The following LEMD1 variants were observed in gnomAD, a reference collection of about 807,000 sequenced individuals.
The protein encoded by LEMD1 is LEM domain containing 1.
LEMD1 carries 18 observed loss-of-function variants against 17.4 expected under a neutral mutation model. The observed-to-expected ratio is 1.04, with a 90% CI of 0.72 to 1.54. LEMD1 has a LOEUF of 1.54. Ranked by LOEUF, LEMD1 falls within the 40% of genes most tolerant of loss-of-function variation. The probability of loss-of-function intolerance (pLI) is 0.00; values close to 1 mark genes in which losing one functional copy is unlikely to be tolerated. For missense variants in LEMD1, 195 were observed against 210.4 expected (o/e 0.93, Z 0.45); for synonymous variants, 88 against 77.8 (o/e 1.13, Z -0.69).
intron 4 of LEMD1, among the ~76,000 whole-genome samples, chr1:205,413,619 T>G (rs1247397698): frequency 6.8e-4 from 87 of 128,272 alleles, no homozygotes; most frequent in African/African-American, 1.5e-3. Flanking sequence ...TTTTTGGAGA[T>G]ATGAGGTGTT....
At chr1:205,447,520 A>C (rs1666413581) in intron 1 of LEMD1, among the ~76,000 whole-genome samples, 1 of 152,108 alleles carries the variant, frequency 6.6e-6, no homozygotes, top group African/African-American at 2.4e-5. Flanking sequence ...CTTCCACCAC[A>C]GCCACCTGTT....
At chr1:205,443,246 CACAA>C (rs1490383368) in intron 1 of LEMD1, among the ~76,000 whole-genome samples, 1 of 152,140 alleles carries the variant, frequency 6.6e-6, no homozygotes, top group Non-Finnish European at 1.5e-5. Flanking sequence ...GTAGCAGCCC[CACAA>C]ACAGGTCAAG....
In LEMD1 at chr1:205,430,706, G is replaced by A. The variant is rs560820438; in HGVS notation, c.-38-10132C>T. 2.0e-5 allele frequency among the ~76,000 whole-genome samples: 3 copies of A among 152,278 alleles called. No homozygotes were observed. The East Asian group carries it at 5.8e-4, about 30-fold the overall frequency. On this transcript the variant is annotated intron_variant, in intron 1 of 3. Transcript: ENST00000367154. Reference sequence around the variant, plus strand: ...CCTCCGCGCCCACACTGCCCCAGGAGCTTCCCACTCAGCCGGGGGACCCCC... The same window carrying A: ...CCTCCGCGCCCACACTGCCCCAGGAACTTCCCACTCAGCCGGGGGACCCCC...
In LEMD1 at chr1:205,381,743, A is replaced by G. The variant is rs1160554531; in HGVS notation, c.461T>C (p.Val154Ala). ...ACCAAGCACAGCAAGCTTCAAGCCC[A>G]CTGGGAAACCTTCTTCTCTCCAGCT... ...IESWREEGFPVGLKLAVLGIF... is the reference protein window; with the variant it reads ...IESWREEGFPAGLKLAVLGIF... Residue 154 changes from valine (V) to alanine (A), a missense_variant, in exon 6 of 6, where the codon GTG becomes GCG. Physicochemically the swap from Val to Ala is moderately conservative, Grantham distance 64 (BLOSUM62 0). Transcript: ENST00000367153. 1.2e-6 allele frequency: 2 copies of G among 1,614,256 alleles called. No individual in the cohort carries two copies. The highest frequency in any genetic ancestry group is 1.3e-5 in the African/African-American group (1 of 75,080).
intron 3 of LEMD1, among the ~76,000 whole-genome samples, chr1:205,418,785 G>T (rs2102435838): frequency 6.6e-6 from 1 of 152,324 alleles, no homozygotes; most frequent in South Asian, 2.1e-4. Flanking sequence ...CAAAGTGCTG[G>T]AATTACATGT....
upstream of LEMD1, among the ~76,000 whole-genome samples, chr1:205,424,704 C>CAG (rs1666032980): frequency 6.6e-6 from 1 of 152,166 alleles, no homozygotes; most frequent in Non-Finnish European, 1.5e-5. Flanking sequence ...GGGCTGGGGA[C>CAG]AGACATTCTA....
chr1:205,382,305 G>T (rs1056823976), intron 5 of LEMD1, among the ~76,000 whole-genome samples: 5 of 151,944 alleles, frequency 3.3e-5, no homozygotes, highest in Admixed American at 1.3e-4. Flanking sequence ...AAAATTAGCT[G>T]GGCATGGAGG....
At chr1:205,434,709 C>T (rs1267429473) in intron 1 of LEMD1, among the ~76,000 whole-genome samples, 2 of 152,134 alleles carry the variant, frequency 1.3e-5, no homozygotes, top group African/African-American at 2.4e-5. Context: ...TTCTTGGCCC[C>T]AACACCTCAC....
chr1:205,423,923 C>T (rs1666022319), upstream of LEMD1, among the ~76,000 whole-genome samples: 1 of 152,050 alleles, frequency 6.6e-6, no homozygotes, highest in Non-Finnish European at 1.5e-5. Flanking sequence ...AATGTAGATC[C>T]AATTTCTCTT....
chr1:205,430,425 A>G (rs1471754198), intron 1 of LEMD1, among the ~76,000 whole-genome samples: 1 of 152,132 alleles, frequency 6.6e-6, no homozygotes, highest in African/African-American at 2.4e-5. Flanking sequence ...GAGGGAGGCT[A>G]TGGAGAATTT....
intron 4 of LEMD1, among the ~76,000 whole-genome samples, chr1:205,385,000 C>T (rs1449619111): frequency 6.6e-6 from 1 of 151,790 alleles, no homozygotes; most frequent in East Asian, 1.9e-4. Context: ...GAGTCTGAGA[C>T]ACAGAAAGGT....
At position 205,392,881 on chromosome 1, in the gene LEMD1, A is replaced by G. The variant is rs187983424; in HGVS notation, c.271-8517T>C. 6.6e-5 allele frequency among the ~76,000 whole-genome samples: 10 copies of G among 152,286 alleles called. No homozygotes were observed. The East Asian group carries it at 1.9e-3, about 29-fold the overall frequency. On this transcript the variant is annotated intron_variant, in intron 4 of 5. Coordinates refer to ENST00000367153, the MANE Select transcript of LEMD1 (RefSeq NM_001199050.2). ...AGCTGCATGAACCCAAATCAGATAAACCTAAAGAAATCCATGCCAAGACAC... is the reference window on the plus strand; with the variant it reads ...AGCTGCATGAACCCAAATCAGATAAGCCTAAAGAAATCCATGCCAAGACAC...
At chr1:205,398,912 C>T (rs779558393) in intron 4 of LEMD1, among the ~76,000 whole-genome samples, 1 of 152,062 alleles carries the variant, frequency 6.6e-6, no homozygotes, top group Non-Finnish European at 1.5e-5. Context: ...ATTAGTTACA[C>T]TGAGAAAATT....
At chr1:205,400,920 C>T (rs1664819952) in intron 4 of LEMD1, among the ~76,000 whole-genome samples, 1 of 141,584 alleles carries the variant, frequency 7.1e-6, no homozygotes, top group Non-Finnish European at 1.5e-5. Context: ...TTGTTCAATT[C>T]CCATCTATGA....
At chr1:205,390,631 G>A (rs1664288017) in intron 4 of LEMD1, among the ~76,000 whole-genome samples, 1 of 152,120 alleles carries the variant, frequency 6.6e-6, no homozygotes, top group Non-Finnish European at 1.5e-5. Flanking sequence ...TATTACAATT[G>A]CAAAGAGTTT....
At chr1:205,414,270 T>C (rs1156968771) in intron 4 of LEMD1, among the ~76,000 whole-genome samples, 2 of 151,998 alleles carry the variant, frequency 1.3e-5, no homozygotes, top group Non-Finnish European at 2.9e-5. Flanking sequence ...AGGAGGATTT[T>C]GCAATTGTTC....
intron 4 of LEMD1, among the ~76,000 whole-genome samples, chr1:205,390,143 C>T (rs992288168): frequency 3.9e-5 from 6 of 151,958 alleles, no homozygotes; most frequent in Non-Finnish European, 5.9e-5. Context: ...TCACTTGAGG[C>T]CAGGAGTTCG....
At chr1:205,394,814 C>G (rs900352928) in intron 4 of LEMD1, among the ~76,000 whole-genome samples, 6 of 151,936 alleles carry the variant, frequency 3.9e-5, no homozygotes, top group Non-Finnish European at 8.8e-5. Flanking sequence ...TGGTGAAACC[C>G]TGTCTCTACT....
chr1:205,416,627 G>A (rs1227368447), intron 3 of LEMD1, among the ~76,000 whole-genome samples: 1 of 152,174 alleles, frequency 6.6e-6, no homozygotes, highest in East Asian at 1.9e-4. Flanking sequence ...ATCCCTGAAT[G>A]CCAAGATAGG....
Sources: allele counts gnomAD v4.1 joint callset (sites outside exome capture counted in the v4.1 genomes callset), GRCh38; gene constraint gnomAD v4.1.1; transcripts MANE v1.5; gene names NCBI Gene and HGNC (gene_info 2026-07-23, HGNC 2026-07-21).